PPP6C: variants seen among roughly 807,000 people sequenced by gnomAD.
PPP6C encodes serine/threonine-protein phosphatase 6 catalytic subunit.
In PPP6C, 11 loss-of-function variants were observed where a neutral mutation model predicts 39.8. The ratio of observed to expected loss-of-function variants is 0.28; its 90% CI spans 0.17 to 0.46. The LOEUF (loss-of-function observed/expected upper bound fraction) is 0.46, where lower values mean the gene tolerates loss of function less well. Among genes scored for constraint, PPP6C ranks in the 20% least tolerant of loss-of-function variants. The probability of loss-of-function intolerance (pLI) is 1.00; values close to 1 mark genes in which losing one functional copy is unlikely to be tolerated. For synonymous variants in PPP6C, 129 were observed against 130.3 expected (o/e 0.99, Z 0.07); for missense variants, 211 against 373.9 (o/e 0.56, Z 3.59).
chr9:125,174,330 A>G (rs954066546), intron 1 of PPP6C, among the ~76,000 whole-genome samples: 1 of 152,156 alleles, frequency 6.6e-6, no homozygotes, highest in Non-Finnish European at 1.5e-5. Flanking sequence ...GGGGGAAAAA[A>G]GGGCTCCCAA....
intron 2 of PPP6C, among the ~76,000 whole-genome samples, chr9:125,167,400 G>GAAAAA (rs1829044716): frequency 1.2e-5 from 1 of 85,024 alleles, no homozygotes; most frequent in African/African-American, 4.7e-5. Flanking sequence ...AAAAAAAAAA[G>GAAAAA]AAATAAAAAA....
chr9:125,189,743 CAGCGGCGGCGGCGGCTGT>C lies in PPP6C; in HGVS notation c.-43_-26del, dbSNP rs1040206243. 1.3e-6 allele frequency: 2 copies of C among 1,562,284 alleles called. No individual in the cohort carries two copies. The highest frequency in any genetic ancestry group is 1.7e-6 in the Non-Finnish European group (2 of 1,158,944). ...TTTTAAGAATAACAAGCCGCGGCAA[CAGCGGCGGCGGCGGCTGT>C]AGCAGCGGCGGCGGCAGCGGCGGAG... On this transcript the variant is annotated 5_prime_UTR_variant, in exon 1 of 7. Transcript: ENST00000373547.
chr9:125,151,507 C>A, intron 6 of PPP6C: 1 of 794,478 alleles, frequency 1.3e-6, no homozygotes, highest in Non-Finnish European at 2.3e-6. Flanking sequence ...AGGTGATCAA[C>A]ATCTCTATGA....
In PPP6C at chr9:125,149,605, G is replaced by A. The variant is rs764407596; in HGVS notation, c.*68C>T. 6 of 1,527,036 alleles carry A rather than the reference G, an allele frequency of 3.9e-6. No individual in the cohort carries two copies. The highest frequency in any genetic ancestry group is 2.3e-5 in the East Asian group (1 of 44,180). 94.6% of individuals were successfully genotyped at this position (1,527,036 alleles called of 1,614,324 possible). On this transcript the variant is annotated 3_prime_UTR_variant, in exon 7 of 7. Coordinates refer to ENST00000373547, the MANE Select transcript of PPP6C (RefSeq NM_002721.5). ...AGTGCTCAATAAAAAGTATATTGTA[G>A]AGGGTAATACAAGAAAATTGGGGTA...
chr9:125,183,319 C>G (rs1829457702), intron 1 of PPP6C, among the ~76,000 whole-genome samples: 1 of 152,152 alleles, frequency 6.6e-6, no homozygotes, highest in South Asian at 2.1e-4. Context: ...CTGTCATTCT[C>G]CTTCTTAAAA....
At chr9:125,155,834 G>C (rs1206885659) in intron 4 of PPP6C, among the ~76,000 whole-genome samples, 1 of 151,228 alleles carries the variant, frequency 6.6e-6, no homozygotes, top group African/African-American at 2.4e-5. Flanking sequence ...GAACCCAGTA[G>C]GCAGAGCTTG....
intron 2 of PPP6C, among the ~76,000 whole-genome samples, chr9:125,170,792 T>C (rs1224124245): frequency 2.0e-5 from 3 of 152,218 alleles, no homozygotes; most frequent in Non-Finnish European, 4.4e-5. Context: ...CAGTATGTGT[T>C]TGTACTTTAT....
chr9:125,169,315 C>T (rs1376931760), intron 2 of PPP6C, among the ~76,000 whole-genome samples: 1 of 152,182 alleles, frequency 6.6e-6, no homozygotes. Flanking sequence ...AACCTCAAAA[C>T]ACAAGATATA....
intron 1 of PPP6C, among the ~76,000 whole-genome samples, chr9:125,173,784 ATTTTT>A (rs906397668): frequency 9.2e-5 from 14 of 151,930 alleles, no homozygotes; most frequent in Middle Eastern, 3.4e-3. Context: ...TACCCAGCTC[ATTTTT>A]GGATTTTTAG....
At chr9:125,168,043 C>G (rs1403998110) in intron 2 of PPP6C, among the ~76,000 whole-genome samples, 1 of 152,148 alleles carries the variant, frequency 6.6e-6, no homozygotes, top group Admixed American at 6.5e-5. Context: ...TGGTGAAGAA[C>G]TCAATGATAA....
intron 1 of PPP6C, among the ~76,000 whole-genome samples, chr9:125,178,404 G>C (rs986480441): frequency 2.0e-5 from 3 of 151,348 alleles, no homozygotes; most frequent in Admixed American, 6.6e-5. Context: ...TAATGACACG[G>C]AAGGTAGAGC....
intron 1 of PPP6C, among the ~76,000 whole-genome samples, chr9:125,184,153 C>A (rs1829475141): frequency 6.6e-6 from 1 of 152,056 alleles, no homozygotes; most frequent in East Asian, 1.9e-4. Context: ...TTTGGGAGGC[C>A]AAGGCGGGTG....
intron 1 of PPP6C, chr9:125,188,814 T>TAATAATAATAATAATAATAATAAC (rs1299119116): frequency 1.5e-5 from 6 of 393,668 alleles, no homozygotes; most frequent in Admixed American, 4.8e-5. Flanking sequence ...ATAATAATAA[T>TAATAATAATAATAATAATAATAAC]AATAATTAAA....
Position 125,189,724 on chromosome 9 carries a change from G to A in PPP6C, c.-6C>T. On this transcript the variant is annotated 5_prime_UTR_variant, in exon 1 of 7. Transcript: ENST00000373547. ...TCCAGGTCTAGCGGCGCCATTTTAA[G>A]AATAACAAGCCGCGGCAACAGCGGC... is the stretch of plus-strand genomic sequence containing the variant. 1 of 1,578,784 alleles carries A rather than the reference G, an allele frequency of 6.3e-7. No homozygotes were observed. The highest frequency in any genetic ancestry group is 2.4e-5 in the East Asian group (1 of 41,918).
chr9:125,175,642 CAAA>C (rs1188824495), intron 1 of PPP6C, among the ~76,000 whole-genome samples: 2 of 55,840 alleles, frequency 3.6e-5, no homozygotes. Context: ...GACTCCGTCT[CAAA>C]AAAAAAAAAA....
intron 2 of PPP6C, among the ~76,000 whole-genome samples, chr9:125,161,999 A>C (rs1828885819): frequency 6.6e-6 from 1 of 152,178 alleles, no homozygotes; most frequent in African/African-American, 2.4e-5. Flanking sequence ...ATGTTAGTCA[A>C]AGTGAAGAAA....
At chr9:125,180,664 A>G (rs1288028288) in intron 1 of PPP6C, among the ~76,000 whole-genome samples, 1 of 152,038 alleles carries the variant, frequency 6.6e-6, no homozygotes, top group East Asian at 1.9e-4. Flanking sequence ...CAGGTGATAC[A>G]CCCACCTTAG....
intron 1 of PPP6C, among the ~76,000 whole-genome samples, chr9:125,177,464 A>T (rs1829326596): frequency 6.6e-6 from 1 of 152,188 alleles, no homozygotes; most frequent in Non-Finnish European, 1.5e-5. Context: ...AGGGAGGCAA[A>T]GACAGGAGGA....
intron 2 of PPP6C, among the ~76,000 whole-genome samples, chr9:125,166,586 G>A (rs1439277588): frequency 1.4e-5 from 2 of 146,380 alleles, no homozygotes; most frequent in Admixed American, 1.4e-4. Context: ...AGGCTGGAGT[G>A]CAATGGTGAG....
Sources: gnomAD v4.1 joint callset for allele counts (sites outside exome capture counted in the v4.1 genomes callset) on GRCh38, gnomAD v4.1.1 for gene constraint, MANE v1.5 for transcripts, NCBI Gene and HGNC (gene_info 2026-07-23, HGNC 2026-07-21) for gene names.